The following ZNF208 variants were observed in gnomAD, a reference collection of about 807,000 sequenced individuals.
ZNF208 encodes the protein zinc finger protein 208, also known as zinc finger protein 95.
A neutral mutation model predicts 12.1 loss-of-function variants in ZNF208; 10 were observed. That is an observed-to-expected ratio of 0.83 (90% CI 0.51 to 1.40). ZNF208 has a LOEUF of 1.40. Ranked by LOEUF, ZNF208 falls within the 40% of genes most tolerant of loss-of-function variation. The pLI, the probability that ZNF208 is intolerant of heterozygous loss-of-function variation, is 0.00. For missense variants in ZNF208, 1,652 were observed against 1,485.0 expected (o/e 1.11, Z -1.85); for synonymous variants, 497 against 488.4 (o/e 1.02, Z -0.23).
intron 3 of ZNF208, 67 bp downstream of exon 3, chr19:21,987,149 T>C: frequency 6.6e-7 from 1 of 1,511,554 alleles, no homozygotes; most frequent in East Asian, 2.4e-5. Context: ...CAGAATCACT[T>C]TAAGGACTGG....
chr19:21,951,669 C>T (rs369320184), intron 4 of ZNF208, among the ~76,000 whole-genome samples: 25 of 152,074 alleles, frequency 1.6e-4, no homozygotes, highest in African/African-American at 5.8e-4. Flanking sequence ...TTGTAAAAAT[C>T]GGAGATCCAT....
At chr19:21,942,492 G>T (rs192734021) in intron 4 of ZNF208, among the ~76,000 whole-genome samples, 44 of 152,174 alleles carry the variant, frequency 2.9e-4, no homozygotes, top group Non-Finnish European at 3.5e-4. Context: ...TAATCCCATA[G>T]GTTTATTAAA....
In ZNF208 at chr19:21,972,027, A is replaced by G. The variant is rs181871198; in HGVS notation, c.3007T>C (p.Cys1003Arg). Residue 1003 changes from cysteine (C) to arginine (R), a missense_variant, in exon 4 of 4, where the codon TGT (cysteine) becomes CGT (arginine). By Grantham distance (180) the Cys-to-Arg change is radical. Around this residue, in one of 3 missense-constraint regions of ZNF208, gnomAD observed 1,239 missense variants for 1,086.2 expected, o/e 1.14. Transcript: ENST00000397126. The part of the protein sequence containing the change: ...VIHTGEKPYK[C>R]EECGKAFNWS... ...TTGAAAGCTTTGCCACATTCTTCAC[A>G]TTTGTAGGGTTTCTCTCCAGTATGA... 6.2e-7 allele frequency: 1 copy of G among 1,613,840 alleles called. No individual in the cohort carries two copies. The highest frequency in any genetic ancestry group is 2.2e-5 in the East Asian group (1 of 44,846).
rs1472872165 is a variant in ZNF208, at chr19:21,971,277, A to G, written c.3757T>C (p.Tyr1253His). 2 of 1,612,332 alleles carry G rather than the reference A, an allele frequency of 1.2e-6. No individual in the cohort carries two copies. Among genetic ancestry groups the G allele is most frequent in the Non-Finnish European group, 1.7e-6 (2 of 1,179,928 alleles). The part of the protein sequence containing the change: ...HKVIHTGEKP[Y>H]KCEECGKAFS... ...GCTTTGCCACATTCTTCACATTTGT[A>G]GGGTTTCTCTCCAGTATGAATTACC... Residue 1253 changes from tyrosine to histidine, a missense_variant, in exon 4 of 4, where the codon TAC becomes CAC. By Grantham distance (83) the Tyr-to-His change is moderately conservative. Transcript: ENST00000397126.
At chr19:21,983,208 A>G (rs1359427805) in intron 3 of ZNF208, among the ~76,000 whole-genome samples, 2 of 152,226 alleles carry the variant, frequency 1.3e-5, no homozygotes, top group African/African-American at 4.8e-5. Context: ...ATATGAACAG[A>G]CATTTCTCAA....
At position 22,003,231 on chromosome 19, in the gene ZNF208, A is replaced by T. The variant is rs766051410; in HGVS notation, c.3+7561T>A. ...GTTAATCTTAAAAAGGATATATTTTAAAAAACCCTGGAAGGTAAGAAGTGC... is the reference window on the plus strand; with the variant it reads ...GTTAATCTTAAAAAGGATATATTTTTAAAAACCCTGGAAGGTAAGAAGTGC... On this transcript the variant is annotated intron_variant, in intron 1 of 3. Transcript: ENST00000397126. Among the ~76,000 whole-genome samples the T allele has an allele frequency of 2.0e-4, 30 of 152,334 alleles. No individual in the cohort carries two copies. The East Asian group carries it at 3.3e-3, about 17-fold the overall frequency.
At chr19:21,978,333 G>C (rs1234266066) in intron 3 of ZNF208, among the ~76,000 whole-genome samples, 6 of 152,186 alleles carry the variant, frequency 3.9e-5, no homozygotes, top group African/African-American at 1.2e-4. Flanking sequence ...GCTCTGGCTG[G>C]CACATGGCAG....
intron 2 of ZNF208, 136 bp downstream of exon 2, chr19:21,988,647 A>G (rs1262772937): frequency 4.1e-5 from 63 of 1,543,384 alleles, no homozygotes; most frequent in Non-Finnish European, 5.5e-5. Context: ...GAGGCCCCTG[A>G]CCCCTTCTTC....
At chr19:21,993,684 T>G (rs755783616) in intron 1 of ZNF208, among the ~76,000 whole-genome samples, 33 of 152,102 alleles carry the variant, frequency 2.2e-4, no homozygotes, top group Non-Finnish European at 4.7e-4. Context: ...CTGGGCTTAT[T>G]ATTAGCATTA....
At position 21,974,367 on chromosome 19, in the gene ZNF208, G is replaced by T. The variant is rs746542423; in HGVS notation, c.667C>A (p.His223Asn). ...CATCTGTAGGGTTTCTCTCCAGTAT[G>T]AGCACTCTTATAATAAGTAAGGGTT... Reference protein sequence around the residue: ...SSTLTYYKSAHTGEKPYRCKE... With the variant: ...SSTLTYYKSANTGEKPYRCKE... The change falls in exon 4 of 4, where the codon CAT (histidine) becomes AAT (asparagine). Residue 223 changes from histidine (H) to asparagine (N), a missense_variant. His to Asn is a moderately conservative substitution (Grantham distance 68). Around this residue, in one of 3 missense-constraint regions of ZNF208, gnomAD observed 410 missense variants for 378.2 expected, o/e 1.08. Coordinates refer to ENST00000397126, the MANE Select transcript of ZNF208 (RefSeq NM_007153.3). 6.2e-7 allele frequency: 1 copy of T among 1,613,614 alleles called. No individual in the cohort carries two copies. The highest frequency in any genetic ancestry group is 8.5e-7 in the Non-Finnish European group (1 of 1,179,814).
chr19:21,945,603 AC>A (rs1448227750), intron 4 of ZNF208, among the ~76,000 whole-genome samples: 2 of 152,150 alleles, frequency 1.3e-5, no homozygotes, highest in Non-Finnish European at 2.9e-5. Flanking sequence ...TATCTATTCA[AC>A]TTTTTAAAAA....
chr19:21,964,446 G>GA (rs925983104), downstream of ZNF208, among the ~76,000 whole-genome samples: 26 of 151,190 alleles, frequency 1.7e-4, no homozygotes, highest in African/African-American at 6.3e-4. Context: ...TCACTTGTTA[G>GA]AAAAAAATTT....
downstream of ZNF208, among the ~76,000 whole-genome samples, chr19:21,963,094 A>T (rs543175784): frequency 5.8e-4 from 88 of 152,130 alleles, no homozygotes; most frequent in Middle Eastern, 0.01. Context: ...AAAGCAGGCC[A>T]GCTGCTTCCA....
chr19:21,951,625 T>C (rs116267189), intron 4 of ZNF208, among the ~76,000 whole-genome samples: 1,744 of 152,338 alleles, frequency 0.011, 35 homozygotes, highest in African/African-American at 0.04. Context: ...TGCTCATCTG[T>C]ACATATCAAA....
intron 1 of ZNF208, chr19:21,991,740 CAAAAAA>C (rs555662605): frequency 6.8e-5 from 5 of 73,794 alleles, no homozygotes; most frequent in Non-Finnish European, 1.2e-4. Flanking sequence ...AACTCCATCT[CAAAAAA>C]AAAAAAAAAA....
chr19:21,990,316 C>A (rs537409097), intron 1 of ZNF208, among the ~76,000 whole-genome samples: 5 of 152,154 alleles, frequency 3.3e-5, no homozygotes, highest in African/African-American at 1.2e-4. Context: ...AGCCAGTTTT[C>A]CCAGCACCAT....
chr19:21,987,242 C>T lies in ZNF208; in HGVS notation c.200G>A (p.Arg67Lys). The stretch of plus-strand genomic sequence containing the variant: ...TGGGGATTCTTCCACCATCTCATGT[C>T]TCTTCATATTCCAGGACTCTTTTCC... ...EEGKESWNMK[R>K]HEMVEESPVI... The change falls in exon 3 of 4, where the codon AGA becomes AAA. Residue 67 changes from arginine to lysine, a missense_variant. Physicochemically the swap from Arg to Lys is conservative, Grantham distance 26. Around this residue, in one of 3 missense-constraint regions of ZNF208, gnomAD observed 410 missense variants for 378.2 expected, o/e 1.08. Coordinates refer to ENST00000397126, the MANE Select transcript of ZNF208 (RefSeq NM_007153.3). 6.2e-7 allele frequency: 1 copy of T among 1,612,814 alleles called. No individual in the cohort carries two copies. The highest frequency in any genetic ancestry group is 8.5e-7 in the Non-Finnish European group (1 of 1,179,490).
rs963966170 is a variant in ZNF208 at position 21,973,874 on chromosome 19, T to C, written c.1160A>G (p.His387Arg). The part of the protein sequence containing the change: ...AYKWPSTLSY[H>R]KKIHTGEKPY... ...TTTCTCTCCAGTATGAATTTTCTTA[T>C]GATAACTAAGGGTTGAGGGCCACTT... Residue 387 changes from histidine (H) to arginine (R), a missense_variant, in exon 4 of 4, where the codon CAT becomes CGT. Physicochemically the swap from His to Arg is conservative, Grantham distance 29. Coordinates refer to ENST00000397126, the MANE Select transcript of ZNF208 (RefSeq NM_007153.3). 4.3e-6 allele frequency: 7 copies of C among 1,613,560 alleles called. No homozygotes were observed. Among genetic ancestry groups the C allele is most frequent in the East Asian group, 2.2e-5 (1 of 44,842 alleles).
intron 4 of ZNF208, among the ~76,000 whole-genome samples, chr19:21,942,802 C>G (rs1969762403): frequency 6.6e-6 from 1 of 152,084 alleles, no homozygotes; most frequent in Non-Finnish European, 1.5e-5. Context: ...GTACACACCA[C>G]CACAGCCAGC....
Sources: allele counts gnomAD v4.1 joint callset (sites outside exome capture counted in the v4.1 genomes callset), GRCh38; gene constraint gnomAD v4.1.1; regional missense constraint gnomAD v4.1.1; transcripts MANE v1.5; gene names NCBI Gene and HGNC (gene_info 2026-07-23, HGNC 2026-07-21).